Variants in DPYD observed in about 807,000 individuals in gnomAD.
DPYD encodes dihydropyrimidine dehydrogenase [NADP(+)].
In DPYD, 109 loss-of-function variants were observed where a neutral mutation model predicts 116.2. That is an observed-to-expected ratio of 0.94 (90% CI 0.80 to 1.10). The LOEUF (loss-of-function observed/expected upper bound fraction) is 1.10, where lower values mean the gene tolerates loss of function less well. Among genes scored for constraint, DPYD ranks in the 50% least tolerant of loss-of-function variants. DPYD has a pLI of 0.00. For missense variants in DPYD, 1,302 were observed against 1,254.5 expected (o/e 1.04, Z -0.57); for synonymous variants, 440 against 432.0 (o/e 1.02, Z -0.23).
intron 3 of DPYD, among the ~76,000 whole-genome samples, chr1:97,794,844 T>C (rs1456921889): frequency 2.6e-5 from 4 of 152,192 alleles, no homozygotes; most frequent in Non-Finnish European, 4.4e-5. Flanking sequence ...ACAAGTCAGA[T>C]TTATCCCTAG....
intron 12 of DPYD, among the ~76,000 whole-genome samples, chr1:97,529,381 CTATTT>C: frequency 6.6e-6 from 1 of 152,168 alleles, no homozygotes; most frequent in East Asian, 1.9e-4. Flanking sequence ...AAAAAGTAGT[CTATTT>C]TATTTATTAA....
intron 16 of DPYD, among the ~76,000 whole-genome samples, chr1:97,352,130 A>G (rs1006405720): frequency 6.6e-6 from 1 of 152,186 alleles, no homozygotes; most frequent in African/African-American, 2.4e-5. Context: ...TCCTTCTCAA[A>G]TAACTCTAAA....
rs3921368 is a variant in DPYD at position 97,279,593 on chromosome 1, C to T, written c.2299+25666G>A. Among the ~76,000 whole-genome samples the T allele has an allele frequency of 2.0e-5, 3 of 152,196 alleles. No homozygotes were observed. The East Asian group carries it at 5.8e-4, about 29-fold the overall frequency. Reference sequence around the variant, plus strand: ...TGGTGCGATCTTGGGTCACCGCAACCTCCGCCTCCGGAGTTCGAGCGATTC... The same window carrying T: ...TGGTGCGATCTTGGGTCACCGCAACTTCCGCCTCCGGAGTTCGAGCGATTC... On this transcript the variant is annotated intron_variant, in intron 18 of 22. Coordinates refer to ENST00000370192, the MANE Select transcript of DPYD (RefSeq NM_000110.4).
chr1:97,327,681 C>T (rs1668775242), intron 16 of DPYD, among the ~76,000 whole-genome samples: 1 of 151,784 alleles, frequency 6.6e-6, no homozygotes. Flanking sequence ...CACTAAGCTT[C>T]TTTAAAAATA....
chr1:97,751,450 G>GTATATA (rs1557933110), intron 3 of DPYD, among the ~76,000 whole-genome samples: 1 of 33,204 alleles, frequency 3.0e-5, no homozygotes, highest in African/African-American at 9.6e-5. Context: ...GTGTGTGTGT[G>GTATATA]TGTGTGTGTG....
At chr1:97,478,533 G>T (rs988966898) in intron 13 of DPYD, among the ~76,000 whole-genome samples, 1 of 152,162 alleles carries the variant, frequency 6.6e-6, no homozygotes, top group Non-Finnish European at 1.5e-5. Context: ...TGATGCACCT[G>T]CCTTGGCCTC....
At chr1:97,501,093 T>C (rs1286628442) in intron 13 of DPYD, among the ~76,000 whole-genome samples, 1 of 151,960 alleles carries the variant, frequency 6.6e-6, no homozygotes, top group Non-Finnish European at 1.5e-5. Context: ...TTTCTAGCAC[T>C]CTGAAACCCT....
At chr1:97,236,943 G>C (rs2100756302) in intron 18 of DPYD, among the ~76,000 whole-genome samples, 1 of 152,218 alleles carries the variant, frequency 6.6e-6, no homozygotes, top group South Asian at 2.1e-4. Context: ...GAGGCTGGGA[G>C]TGGTGGCTCA....
intron 20 of DPYD, among the ~76,000 whole-genome samples, chr1:97,181,098 T>A (rs1378143586): frequency 6.6e-6 from 1 of 152,100 alleles, no homozygotes; most frequent in East Asian, 1.9e-4. Context: ...TATCTCAATG[T>A]CCATGCAGGC....
At chr1:97,311,650 T>G (rs1250004228) in intron 16 of DPYD, among the ~76,000 whole-genome samples, 2 of 151,688 alleles carry the variant, frequency 1.3e-5, no homozygotes, top group East Asian at 3.9e-4. Flanking sequence ...ATGTTCAAAA[T>G]ATCCATAGTA....
At chr1:97,863,513 A>C (rs77079365) in intron 2 of DPYD, among the ~76,000 whole-genome samples, 2,085 of 151,992 alleles carry the variant, frequency 0.014, 24 homozygotes, top group Non-Finnish European at 0.024. Flanking sequence ...AGAAGTAGTA[A>C]ATGTCCTTAG....
rs558381052 is a variant in DPYD at position 97,194,410 on chromosome 1, T to C, written c.2443-1162A>G. 7.9e-5 allele frequency among the ~76,000 whole-genome samples: 12 copies of C among 152,274 alleles called. No individual in the cohort carries two copies. In the East Asian group the frequency reaches 2.3e-3, roughly 29 times the overall value. On this transcript the variant is annotated intron_variant, in intron 19 of 22. Coordinates refer to ENST00000370192, the MANE Select transcript of DPYD (RefSeq NM_000110.4). ...CCTGCTTCCCCTTCTGCCATGATTG[T>C]AAGTTTCCCGAGGCCTCCCCCAGAA...
intron 4 of DPYD, among the ~76,000 whole-genome samples, chr1:97,731,007 GA>G (rs1404724456): frequency 6.6e-6 from 1 of 151,916 alleles, no homozygotes; most frequent in Non-Finnish European, 1.5e-5. Context: ...ATTAATCAAA[GA>G]ATCTCATATT....
intron 15 of DPYD, among the ~76,000 whole-genome samples, chr1:97,374,935 A>G (rs1282501479): frequency 6.7e-6 from 1 of 149,722 alleles, no homozygotes; most frequent in Non-Finnish European, 1.5e-5. Flanking sequence ...AAGCTGAGGC[A>G]GGAGAATCGC....
chr1:97,181,384 G>GC (rs1191464319), intron 20 of DPYD, among the ~76,000 whole-genome samples: 5 of 152,008 alleles, frequency 3.3e-5, no homozygotes, highest in Admixed American at 3.3e-4. Context: ...TTAACTTTTG[G>GC]CAACAGCAGT....
intron 20 of DPYD, among the ~76,000 whole-genome samples, chr1:97,166,535 C>G (rs1416063138): frequency 6.6e-6 from 1 of 151,998 alleles, no homozygotes; most frequent in Non-Finnish European, 1.5e-5. Flanking sequence ...ACCTATATGA[C>G]AAACCTGCAC....
intron 14 of DPYD, chr1:97,420,073 C>T (rs1010286886): frequency 6.6e-6 from 1 of 151,530 alleles, no homozygotes; most frequent in Admixed American, 6.6e-5. Context: ...GCAGTAAGGA[C>T]CCAGGACCAT....
At chr1:97,832,596 T>C (rs1284398757) in intron 2 of DPYD, among the ~76,000 whole-genome samples, 1 of 152,132 alleles carries the variant, frequency 6.6e-6, no homozygotes, top group Non-Finnish European at 1.5e-5. Context: ...TTTGGGTCTG[T>C]GACACCACCG....
At chr1:97,536,357 C>G (rs1649996970) in intron 12 of DPYD, among the ~76,000 whole-genome samples, 1 of 152,176 alleles carries the variant, frequency 6.6e-6, no homozygotes, top group Non-Finnish European at 1.5e-5. Flanking sequence ...TTATATCAAT[C>G]TTCTCTTAAC....
Sources: gnomAD v4.1 joint callset for allele counts (sites outside exome capture counted in the v4.1 genomes callset) on GRCh38, gnomAD v4.1.1 for gene constraint, MANE v1.5 for transcripts, NCBI Gene and HGNC (gene_info 2026-07-23, HGNC 2026-07-21) for gene names.